Variants in CNBD1 observed in about 807,000 individuals in gnomAD.
CNBD1 encodes cyclic nucleotide binding domain containing 1.
A neutral mutation model predicts 54.4 loss-of-function variants in CNBD1; 71 were observed. The ratio of observed to expected loss-of-function variants is 1.30; its 90% confidence interval spans 1.08 to 1.59. CNBD1 has a LOEUF of 1.59. Among genes scored for constraint, CNBD1 ranks in the 40% most tolerant of loss-of-function variants. The pLI is 0.00. For missense variants in CNBD1, 659 were observed against 518.0 expected (o/e 1.27, Z -2.64); for synonymous variants, 182 against 170.7 (o/e 1.07, Z -0.51).
At chr8:87,225,377 G>T (rs562750194) in intron 5 of CNBD1, among the ~76,000 whole-genome samples, 2 of 151,900 alleles carry the variant, frequency 1.3e-5, no homozygotes, top group Admixed American at 6.6e-5. Context: ...ATTGGCTGTG[G>T]GTTTGTCATA....
At chr8:87,380,797 C>G (rs1055552677) in intron 10 of CNBD1, among the ~76,000 whole-genome samples, 2 of 151,894 alleles carry the variant, frequency 1.3e-5, no homozygotes, top group Admixed American at 6.6e-5. Context: ...GGTTGTTTTA[C>G]TAATTTAATC....
At chr8:87,376,937 G>T (rs556754718) in intron 10 of CNBD1, among the ~76,000 whole-genome samples, 1 of 150,554 alleles carries the variant, frequency 6.6e-6, no homozygotes, top group East Asian at 2.0e-4. Flanking sequence ...TCTAACCACT[G>T]TTAGAGCACA....
downstream of CNBD1, among the ~76,000 whole-genome samples, chr8:87,384,111 G>T (rs1001100245): frequency 6.6e-6 from 1 of 151,960 alleles, no homozygotes. Context: ...CATACTGATT[G>T]AATAATATAA....
chr8:87,180,384 G>A (rs2130776816), intron 4 of CNBD1, among the ~76,000 whole-genome samples: 1 of 152,104 alleles, frequency 6.6e-6, no homozygotes, highest in Admixed American at 6.5e-5. Flanking sequence ...TCTGAAAGTA[G>A]TTTCACCAAA....
At chr8:87,299,760 G>C (rs1213797939) in intron 8 of CNBD1, among the ~76,000 whole-genome samples, 2 of 152,154 alleles carry the variant, frequency 1.3e-5, no homozygotes, top group Admixed American at 1.3e-4. Context: ...ACTTTCTCAT[G>C]GCAGATGTGG....
At chr8:87,296,280 A>T (rs189562368) in intron 8 of CNBD1, among the ~76,000 whole-genome samples, 45 of 152,328 alleles carry the variant, frequency 3.0e-4, no homozygotes, top group African/African-American at 1.0e-3. Flanking sequence ...GAACTTTGGC[A>T]ATACATACTT....
rs1807740096 is a variant in CNBD1, at chr8:87,243,222, G to C, written c.771+6110G>C. On this transcript the variant is annotated intron_variant, in intron 6 of 10. Transcript: ENST00000518476. ...GAAAATTCAGAAGGCATTGATAAAT[G>C]GTGGATCCAACTAAAGAAAGAATAT... 5.3e-5 allele frequency among the ~76,000 whole-genome samples: 8 copies of C among 152,298 alleles called. No individual in the cohort carries two copies. The South Asian group carries it at 1.5e-3, about 28-fold the overall frequency.
chr8:87,333,590 G>T (rs1208634191), intron 8 of CNBD1, among the ~76,000 whole-genome samples: 1 of 152,110 alleles, frequency 6.6e-6, no homozygotes, highest in Non-Finnish European at 1.5e-5. Context: ...ATGAAGTGAT[G>T]TTGAATTTTA....
intron 4 of CNBD1, among the ~76,000 whole-genome samples, chr8:87,118,781 T>C (rs1811831210): frequency 2.6e-5 from 4 of 152,198 alleles, no homozygotes; most frequent in Admixed American, 2.6e-4. Context: ...CACTTTATAA[T>C]TTAACACACC....
At chr8:87,178,446 G>A (rs1309436447) in intron 4 of CNBD1, among the ~76,000 whole-genome samples, 1 of 152,178 alleles carries the variant, frequency 6.6e-6, no homozygotes. Context: ...CCCAAGTCGA[G>A]AGTTTGCTTG....
At chr8:87,312,532 A>G (rs551115231) in intron 8 of CNBD1, among the ~76,000 whole-genome samples, 1 of 152,160 alleles carries the variant, frequency 6.6e-6, no homozygotes, top group Admixed American at 6.6e-5. Context: ...TGCTTTTATA[A>G]AGAGAGAAAA....
intron 4 of CNBD1, among the ~76,000 whole-genome samples, chr8:87,023,411 T>G (rs1809530228): frequency 6.6e-6 from 1 of 152,228 alleles, no homozygotes; most frequent in African/African-American, 2.4e-5. Flanking sequence ...TTTATTTACC[T>G]CGGTGAGGCT....
intron 8 of CNBD1, among the ~76,000 whole-genome samples, chr8:87,328,083 A>T (rs1318267119): frequency 2.0e-5 from 3 of 152,046 alleles, no homozygotes; most frequent in Non-Finnish European, 4.4e-5. Context: ...CCCGTCATCT[A>T]GGTTTTAAGA....
chr8:87,232,779 G>A (rs1807471302), intron 5 of CNBD1, among the ~76,000 whole-genome samples: 1 of 152,188 alleles, frequency 6.6e-6, no homozygotes, highest in Middle Eastern at 3.4e-3. Flanking sequence ...TGGTTTCAGG[G>A]AAATGTGTTG....
At chr8:87,328,194 C>G (rs1046058058) in intron 8 of CNBD1, among the ~76,000 whole-genome samples, 5 of 151,798 alleles carry the variant, frequency 3.3e-5, no homozygotes, top group African/African-American at 1.2e-4. Context: ...GTCCATTGTT[C>G]GATATCCAGT....
intron 4 of CNBD1, among the ~76,000 whole-genome samples, chr8:87,176,218 T>A (rs989862204): frequency 6.6e-6 from 1 of 152,202 alleles, no homozygotes; most frequent in African/African-American, 2.4e-5. Context: ...CTCATGAAGG[T>A]GCTTTTTTGT....
chr8:87,068,390 T>C (rs1450595343), intron 4 of CNBD1, among the ~76,000 whole-genome samples: 1 of 152,020 alleles, frequency 6.6e-6, no homozygotes, highest in Admixed American at 6.6e-5. Context: ...GAAATATCAA[T>C]TGCTTTTCCA....
At chr8:87,061,194 A>T (rs540434738) in intron 4 of CNBD1, among the ~76,000 whole-genome samples, 1 of 152,174 alleles carries the variant, frequency 6.6e-6, no homozygotes, top group African/African-American at 2.4e-5. Context: ...CTCAACACTC[A>T]CCAATCGGTG....
chr8:87,271,244 TA>T (rs906279187), intron 6 of CNBD1, among the ~76,000 whole-genome samples: 3 of 151,838 alleles, frequency 2.0e-5, no homozygotes, highest in African/African-American at 4.8e-5. Flanking sequence ...ATCTTGTATA[TA>T]TTTTTTTTCA....
Sources: allele counts gnomAD v4.1 joint callset (sites outside exome capture counted in the v4.1 genomes callset), GRCh38; gene constraint gnomAD v4.1.1; transcripts MANE v1.5; gene names NCBI Gene and HGNC (gene_info 2026-07-23, HGNC 2026-07-21).